Variants in NEGR1 observed in about 807,000 individuals in gnomAD.
NEGR1 encodes neuronal growth regulator 1.
Under a neutral mutation model 40.9 loss-of-function variants are expected in NEGR1, and 10 were observed. The ratio of observed to expected loss-of-function variants is 0.24; its 90% CI spans 0.15 to 0.42. The LOEUF is 0.42. Among genes scored for constraint, NEGR1 ranks in the 10% least tolerant of loss-of-function variants. The probability of loss-of-function intolerance (pLI) is 1.00; values close to 1 mark genes in which losing one functional copy is unlikely to be tolerated. For missense variants in NEGR1, 352 were observed against 438.9 expected, an observed-to-expected ratio of 0.80 and a Z score of 1.77; for synonymous variants, 185 against 166.8, an observed-to-expected ratio of 1.11 and a Z score of -0.84.
intron 6 of NEGR1, chr1:71,468,813 A>G (rs1646763904): frequency 6.6e-6 from 1 of 152,096 alleles, no homozygotes; most frequent in Admixed American, 6.6e-5. Flanking sequence ...ATTGGCCTGT[A>G]TATGCAATAA....
chr1:72,278,153 T>G (rs902701190), intron 1 of NEGR1, among the ~76,000 whole-genome samples: 1 of 152,142 alleles, frequency 6.6e-6, no homozygotes, highest in Non-Finnish European at 1.5e-5. Context: ...CATAGTAGGA[T>G]ATCACATAAC....
intron 1 of NEGR1, among the ~76,000 whole-genome samples, chr1:72,183,007 A>T (rs1263110782): frequency 1.3e-5 from 2 of 151,942 alleles, no homozygotes; most frequent in Non-Finnish European, 2.9e-5. Context: ...AAGTACCAAA[A>T]CTAAGACTAA....
intron 1 of NEGR1, among the ~76,000 whole-genome samples, chr1:72,168,932 G>C (rs1176812469): frequency 6.6e-6 from 1 of 151,878 alleles, no homozygotes; most frequent in East Asian, 1.9e-4. Flanking sequence ...CAAAAACTAA[G>C]AAACTAGAAT....
intron 1 of NEGR1, among the ~76,000 whole-genome samples, chr1:72,280,595 T>G (rs1375198394): frequency 6.6e-6 from 1 of 151,290 alleles, no homozygotes; most frequent in Non-Finnish European, 1.5e-5. Flanking sequence ...CAATGAAAAG[T>G]TTTTTTTTAC....
intron 1 of NEGR1, among the ~76,000 whole-genome samples, chr1:72,096,831 T>C (rs1177567462): frequency 6.6e-6 from 1 of 151,872 alleles, no homozygotes; most frequent in African/African-American, 2.4e-5. Context: ...CGGCTATTTT[T>C]TTGTATTTTT....
At chr1:71,759,122 T>G (rs1191331173) in intron 3 of NEGR1, among the ~76,000 whole-genome samples, 1 of 152,086 alleles carries the variant, frequency 6.6e-6, no homozygotes, top group Non-Finnish European at 1.5e-5. Context: ...ATGTAAGTAT[T>G]AGATGGACTC....
At chr1:72,232,280 C>T (rs1480745517) in intron 1 of NEGR1, among the ~76,000 whole-genome samples, 1 of 151,758 alleles carries the variant, frequency 6.6e-6, no homozygotes, top group African/African-American at 2.4e-5. Context: ...TCACTTGAAC[C>T]CGGGAGGCGG....
chr1:71,559,044 T>TATATATACAC (rs1488767009), intron 6 of NEGR1, among the ~76,000 whole-genome samples: 4 of 62,264 alleles, frequency 6.4e-5, no homozygotes, highest in African/African-American at 2.1e-4. Context: ...TATATATATA[T>TATATATACAC]ACACATATAT....
intron 2 of NEGR1, among the ~76,000 whole-genome samples, chr1:71,842,990 A>G (rs1659295227): frequency 6.6e-6 from 1 of 152,122 alleles, no homozygotes; most frequent in South Asian, 2.1e-4. Flanking sequence ...TTTTTAAAAA[A>G]CTTAACTTCT....
At chr1:71,421,954 T>C (rs1646397600) in intron 6 of NEGR1, among the ~76,000 whole-genome samples, 2 of 151,624 alleles carry the variant, frequency 1.3e-5, no homozygotes, top group Non-Finnish European at 2.9e-5. Flanking sequence ...ATAAGAAGGA[T>C]ATAATAAGCA....
chr1:71,807,341 C>T (rs1657813982), intron 2 of NEGR1, among the ~76,000 whole-genome samples: 1 of 151,832 alleles, frequency 6.6e-6, no homozygotes, highest in Admixed American at 6.6e-5. Context: ...CATTTATGGA[C>T]AGAGAAATTA....
chr1:71,582,305 T>C (rs1649167016), intron 6 of NEGR1, among the ~76,000 whole-genome samples: 1 of 152,212 alleles, frequency 6.6e-6, no homozygotes, highest in Admixed American at 6.5e-5. Flanking sequence ...AAAAGCATCT[T>C]GTAATGTTTC....
chr1:72,252,715 G>A lies in NEGR1; in HGVS notation c.176+29604C>T, dbSNP rs563303300. 5.3e-5 allele frequency among the ~76,000 whole-genome samples: 8 copies of A among 152,244 alleles called. No individual in the cohort carries two copies. The South Asian group carries it at 1.2e-3, about 24-fold the overall frequency. ...AAGAGAGAGAGAAGATAGTTTCAAT[G>A]TAGTGTTTCTTGGGCATTCCAAATT... is the stretch of plus-strand genomic sequence containing the variant. On this transcript the variant is annotated intron_variant, in intron 1 of 6. Coordinates refer to ENST00000357731, the MANE Select transcript of NEGR1 (RefSeq NM_173808.3).
chr1:72,085,557 C>T (rs1648186601), intron 1 of NEGR1, among the ~76,000 whole-genome samples: 1 of 152,160 alleles, frequency 6.6e-6, no homozygotes, highest in Non-Finnish European at 1.5e-5. Flanking sequence ...GGAAAAGCAT[C>T]TGCTGTCTTT....
chr1:72,042,387 T>A (rs1026845545), intron 1 of NEGR1, among the ~76,000 whole-genome samples: 1 of 151,742 alleles, frequency 6.6e-6, no homozygotes, highest in Non-Finnish European at 1.5e-5. Context: ...TGAGGGAAAG[T>A]CAGAAGAATT....
intron 2 of NEGR1, among the ~76,000 whole-genome samples, chr1:71,841,328 T>C (rs901721509): frequency 1.8e-4 from 27 of 152,174 alleles, no homozygotes; most frequent in Admixed American, 1.6e-3. Context: ...GAAAATATAG[T>C]TACTTGCTAT....
chr1:71,959,838 G>T (rs181878514), intron 1 of NEGR1, among the ~76,000 whole-genome samples: 286 of 152,018 alleles, frequency 1.9e-3, no homozygotes, highest in Non-Finnish European at 3.4e-3. Flanking sequence ...AACCCTTAAA[G>T]ATATGAAATC....
chr1:71,751,769 T>C (rs1057329097), intron 3 of NEGR1, among the ~76,000 whole-genome samples: 1 of 152,176 alleles, frequency 6.6e-6, no homozygotes. Flanking sequence ...AGCAGCATTT[T>C]TCCTGAAGGG....
chr1:72,270,442 C>G (rs950455375), intron 1 of NEGR1, among the ~76,000 whole-genome samples: 2 of 151,876 alleles, frequency 1.3e-5, no homozygotes, highest in Non-Finnish European at 2.9e-5. Context: ...AACTGCATTG[C>G]CTTCAGCATA....
Sources: gnomAD v4.1 joint callset for allele counts (sites outside exome capture counted in the v4.1 genomes callset) on GRCh38, gnomAD v4.1.1 for gene constraint, MANE v1.5 for transcripts, NCBI Gene and HGNC (gene_info 2026-07-23, HGNC 2026-07-21) for gene names.